The following PTPRN2 variants were observed in gnomAD, a reference collection of about 807,000 sequenced individuals.
The protein encoded by PTPRN2 is protein tyrosine phosphatase receptor type N2, also known as receptor-type tyrosine-protein phosphatase N2.
PTPRN2 carries 74 observed loss-of-function variants against 118.8 expected under a neutral mutation model. The observed-to-expected ratio is 0.62, with a 90% CI of 0.52 to 0.76. The LOEUF is 0.76. Ranked by LOEUF, PTPRN2 falls within the 30% of genes least tolerant of loss-of-function variation. The pLI, the probability that PTPRN2 is intolerant of heterozygous loss-of-function variation, is 0.00. For synonymous variants in PTPRN2, 641 were observed against 608.0 expected (o/e 1.05, Z -0.80); for missense variants, 1,481 against 1,394.4 (o/e 1.06, Z -0.99).
At chr7:157,727,526 G>C (rs192701294) in intron 12 of PTPRN2, among the ~76,000 whole-genome samples, 264 of 149,388 alleles carry the variant, frequency 1.8e-3, no homozygotes, top group African/African-American at 6.5e-3. Context: ...CTGCCGGGGT[G>C]GGGGGAGGAA....
chr7:158,489,881 A>G (rs1163490894), intron 1 of PTPRN2, 96 bp from the exon 2 acceptor site: 1 of 1,189,956 alleles, frequency 8.4e-7, no homozygotes, highest in Non-Finnish European at 1.2e-6. Flanking sequence ...TTTCAGAGAA[A>G]CCGCCGGTCA....
chr7:158,103,262 C>T (rs2150351373), intron 10 of PTPRN2, among the ~76,000 whole-genome samples: 1 of 152,278 alleles, frequency 6.6e-6, no homozygotes, highest in South Asian at 2.1e-4. Context: ...GGGATAGTGC[C>T]AAAGATACAG....
chr7:158,407,276 GGGT>G (rs1813614185), intron 2 of PTPRN2, among the ~76,000 whole-genome samples: 2 of 98,978 alleles, frequency 2.0e-5, no homozygotes, highest in African/African-American at 8.4e-5. Context: ...CCTGGGTCCT[GGGT>G]CCTGGGTCCT....
At chr7:158,411,241 G>A (rs558184626) in intron 2 of PTPRN2, among the ~76,000 whole-genome samples, 3 of 152,178 alleles carry the variant, frequency 2.0e-5, no homozygotes, top group Non-Finnish European at 2.9e-5. Context: ...TTCTTCACAC[G>A]CTTCCCAGTG....
At chr7:158,320,055 TCTCC>T (rs1366096923) in intron 2 of PTPRN2, among the ~76,000 whole-genome samples, 1 of 32,246 alleles carries the variant, frequency 3.1e-5, no homozygotes, top group African/African-American at 1.4e-4. Flanking sequence ...ACACTCACAG[TCTCC>T]CTCACACACA....
chr7:158,578,037 G>A (rs1424190854), intron 1 of PTPRN2, among the ~76,000 whole-genome samples: 2 of 152,166 alleles, frequency 1.3e-5, no homozygotes, highest in Non-Finnish European at 2.9e-5. Context: ...AGAGCAAAGG[G>A]AACAACACCC....
intron 2 of PTPRN2, among the ~76,000 whole-genome samples, chr7:158,322,905 G>A (rs543021077): frequency 6.6e-6 from 1 of 152,326 alleles, no homozygotes; most frequent in East Asian, 1.9e-4. Flanking sequence ...GCCCCAACCA[G>A]GGGATGGTGG....
chr7:157,669,173 C>T (rs117562325), intron 13 of PTPRN2, among the ~76,000 whole-genome samples: 32 of 152,282 alleles, frequency 2.1e-4, no homozygotes, highest in Middle Eastern at 3.4e-3. Flanking sequence ...CACAGGGCCA[C>T]GCTCACTTCT....
intron 13 of PTPRN2, among the ~76,000 whole-genome samples, chr7:157,661,931 G>C (rs912986678): frequency 1.3e-5 from 2 of 152,234 alleles, no homozygotes; most frequent in African/African-American, 2.4e-5. Context: ...AGAGGCAACG[G>C]GGCCACCATG....
chr7:157,956,341 T>C (rs572404974), intron 11 of PTPRN2, among the ~76,000 whole-genome samples: 146 of 152,214 alleles, frequency 9.6e-4, no homozygotes, highest in Non-Finnish European at 1.9e-3. Flanking sequence ...CTGGGTTCAT[T>C]TGGTGTGTGG....
rs530007125 is a variant in PTPRN2 at position 158,484,509 on chromosome 7, C to T, written c.163+5226G>A. The stretch of plus-strand genomic sequence containing the variant: ...TCCAGAGTAGCTGGGATCACAGGCA[C>T]GCGCCACCACGCCCAGCTAATTTTT... On this transcript the variant is annotated intron_variant, in intron 2 of 22. Coordinates refer to ENST00000389418, the MANE Select transcript of PTPRN2 (RefSeq NM_002847.5). 5.3e-5 allele frequency among the ~76,000 whole-genome samples: 8 copies of T among 152,230 alleles called. No homozygotes were observed. In the South Asian group the frequency reaches 8.3e-4, roughly 16 times the overall value.
intron 12 of PTPRN2, among the ~76,000 whole-genome samples, chr7:157,712,568 T>C (rs565997165): frequency 6.6e-6 from 1 of 151,922 alleles, no homozygotes; most frequent in Admixed American, 6.5e-5. Context: ...CTGACCAACA[T>C]AGTGAAACCC....
intron 2 of PTPRN2, among the ~76,000 whole-genome samples, chr7:158,369,134 C>G (rs549888918): frequency 2.9e-4 from 44 of 152,118 alleles, no homozygotes; most frequent in African/African-American, 1.1e-3. Context: ...ATGCTTCTTG[C>G]CCTTGAACAT....
chr7:158,404,121 A>C (rs1045062703), intron 2 of PTPRN2, among the ~76,000 whole-genome samples: 1 of 152,178 alleles, frequency 6.6e-6, no homozygotes, highest in Non-Finnish European at 1.5e-5. Context: ...CGCCGTGACA[A>C]TAGGAGAGAT....
At chr7:158,391,986 G>T (rs77964106) in intron 2 of PTPRN2, among the ~76,000 whole-genome samples, 3,325 of 152,334 alleles carry the variant, frequency 0.022, 140 homozygotes, top group African/African-American at 0.076. Context: ...CCCCAGGGTG[G>T]CTTCAGGAGG....
chr7:158,157,749 C>A (rs892743461), intron 6 of PTPRN2, among the ~76,000 whole-genome samples: 1 of 152,084 alleles, frequency 6.6e-6, no homozygotes, highest in African/African-American at 2.4e-5. Context: ...ACAGAGTGAC[C>A]CCCCCAGCAC....
chr7:157,677,452 C>T (rs553847816), intron 13 of PTPRN2, among the ~76,000 whole-genome samples: 5 of 152,254 alleles, frequency 3.3e-5, no homozygotes, highest in South Asian at 2.1e-4. Context: ...CTCTGAAGAT[C>T]GAGCTCTATC....
chr7:157,795,609 A>G (rs1457935271), intron 12 of PTPRN2, among the ~76,000 whole-genome samples: 1 of 152,220 alleles, frequency 6.6e-6, no homozygotes, highest in Non-Finnish European at 1.5e-5. Flanking sequence ...GGTTGACCTC[A>G]TGTTTATTCA....
At chr7:158,468,742 T>G (rs938209720) in intron 2 of PTPRN2, among the ~76,000 whole-genome samples, 7 of 151,610 alleles carry the variant, frequency 4.6e-5, no homozygotes, top group African/African-American at 1.7e-4. Flanking sequence ...AGATCGAGAC[T>G]CTATTGTGCA....
Sources: allele counts gnomAD v4.1 joint callset (sites outside exome capture counted in the v4.1 genomes callset), GRCh38; gene constraint gnomAD v4.1.1; transcripts MANE v1.5; gene names NCBI Gene and HGNC (gene_info 2026-07-23, HGNC 2026-07-21).